Variants in DRG1 observed in about 807,000 individuals in gnomAD.
DRG1 encodes the protein developmentally regulated GTP binding protein 1, also known as developmentally-regulated GTP-binding protein 1.
A neutral mutation model predicts 38.8 loss-of-function variants in DRG1; 19 were observed. The ratio of observed to expected loss-of-function variants is 0.49; its 90% CI spans 0.34 to 0.72. The LOEUF is 0.72. Ranked by LOEUF, DRG1 falls within the 30% of genes least tolerant of loss-of-function variation. DRG1 has a pLI of 0.01. For synonymous variants in DRG1, 167 were observed against 157.5 expected, an observed-to-expected ratio of 1.06 and a Z score of -0.45; for missense variants, 299 against 444.8, an observed-to-expected ratio of 0.67 and a Z score of 2.95.
At chr22:31,412,610 A>G (rs967004618) in intron 4 of DRG1, among the ~76,000 whole-genome samples, 1 of 151,688 alleles carries the variant, frequency 6.6e-6, no homozygotes, top group African/African-American at 2.4e-5. Flanking sequence ...CGGCCTCCCA[A>G]AGTGCTGAGA....
At chr22:31,432,465 G>A (rs527577079) in intron 8 of DRG1, among the ~76,000 whole-genome samples, 135 of 149,350 alleles carry the variant, frequency 9.0e-4, no homozygotes, top group Middle Eastern at 3.4e-3. Flanking sequence ...AGACTCAGTC[G>A]CCCAGGCTGG....
rs766692132 is a variant in DRG1 at position 31,427,011 on chromosome 22, C to T, written c.882-49C>T. 29 of 1,610,216 alleles carry T rather than the reference C, an allele frequency of 1.8e-5. No homozygotes were observed. The Admixed American group carries it at 2.7e-4, about 15-fold the overall frequency. On this transcript the variant is annotated intron_variant, in intron 7 of 8. Coordinates refer to ENST00000331457, the MANE Select transcript of DRG1 (RefSeq NM_004147.4). Reference sequence around the variant, plus strand: ...ATGGAGGGTTGCTATACATTCAACACATGAGATAGTCTAAGAAGGCAGTAA... The same window carrying T: ...ATGGAGGGTTGCTATACATTCAACATATGAGATAGTCTAAGAAGGCAGTAA...
rs543147008 is a variant in DRG1 at position 31,430,376 on chromosome 22, T to C, written c.1004+3194T>C. 3.2e-4 allele frequency among the ~76,000 whole-genome samples: 49 copies of C among 152,242 alleles called. No homozygotes were observed. The South Asian group carries it at 9.5e-3, about 30-fold the overall frequency. The stretch of plus-strand genomic sequence containing the variant: ...TTTATACTGTTATCTCTGATTCTAG[T>C]TCAATACTACAGGGTTAATTTTTTT... On this transcript the variant is annotated intron_variant, in intron 8 of 8. Transcript: ENST00000331457.
In DRG1 at chr22:31,420,304, C is replaced by G; in HGVS notation, c.461C>G (p.Pro154Arg). The G allele has an allele frequency of 1.9e-6, 3 of 1,614,108 alleles. No homozygotes were observed. Among genetic ancestry groups the G allele is most frequent in the Non-Finnish European group, 2.5e-6 (3 of 1,180,024 alleles). The change falls in exon 5 of 9, where the codon CCT becomes CGT. Residue 154 changes from proline to arginine, a missense_variant. This residue lies in a region of DRG1 where 198 missense variants were observed against 268.1 expected (regional missense o/e 0.74). Coordinates refer to ENST00000331457, the MANE Select transcript of DRG1 (RefSeq NM_004147.4). ...LILIVLDVLK[P>R]LGHKKIIENE... The stretch of plus-strand genomic sequence containing the variant: ...TTGATTGTTCTGGATGTCCTGAAAC[C>G]TTTGGGACATAAGAAGATAATTGAA...
Position 31,399,634 on chromosome 22 carries a change from C to T in DRG1, c.-50C>T, listed in dbSNP as rs199760860. The T allele has an allele frequency of 5.3e-5, 86 of 1,613,646 alleles. No individual in the cohort carries two copies. Among genetic ancestry groups the T allele is most frequent in the Non-Finnish European group, 6.4e-5 (76 of 1,179,572 alleles). On this transcript the variant is annotated 5_prime_UTR_variant, in exon 1 of 9. Coordinates refer to ENST00000331457, the MANE Select transcript of DRG1 (RefSeq NM_004147.4). ...CGCCTGGTGGCGGTGGCAGTTTGCCCGCGGGTGTGTGAAGGGAGACAGTGT... is the reference window on the plus strand; with the variant it reads ...CGCCTGGTGGCGGTGGCAGTTTGCCTGCGGGTGTGTGAAGGGAGACAGTGT...
At chr22:31,426,429 G>A in intron 6 of DRG1, 186 bp from the exon 7 acceptor site, 2 of 541,646 alleles carry the variant, frequency 3.7e-6, no homozygotes, top group Non-Finnish European at 6.4e-6. Flanking sequence ...ACTAGGGCCT[G>A]ACTTCTGTTA....
intron 3 of DRG1, among the ~76,000 whole-genome samples, chr22:31,406,254 C>T (rs2049989787): frequency 6.6e-6 from 1 of 152,102 alleles, no homozygotes; most frequent in Non-Finnish European, 1.5e-5. Context: ...CCTGCCTCGA[C>T]CTCCCAAAAT....
intron 3 of DRG1, among the ~76,000 whole-genome samples, chr22:31,407,016 A>G (rs917884544): frequency 4.6e-5 from 7 of 152,148 alleles, no homozygotes; most frequent in East Asian, 3.9e-4. Flanking sequence ...ATGTTCCTCA[A>G]TTTGGGTTTG....
rs10570678 is a variant in DRG1, at chr22:31,431,019, T to TCCCCC, written c.1005-2843_1005-2839dup. Among the ~76,000 whole-genome samples the TCCCCC allele has an allele frequency of 1.6e-4, 13 of 81,016 alleles. 1 individual carries two copies. The highest frequency in any genetic ancestry group is 4.5e-4 in the African/African-American group (9 of 20,072). 53.1% of individuals were successfully genotyped at this position (81,016 alleles called of 152,430 possible). Reference sequence around the variant, plus strand: ...AGACACTAGCCACTGCACCCGGCCTTCCCCCCCCCCCCCCGCTTTTTTTTT... The same window carrying TCCCCC: ...AGACACTAGCCACTGCACCCGGCCTTCCCCCCCCCCCCCCCCCCCGCTTTTTTTTT... On this transcript the variant is annotated intron_variant, in intron 8 of 8. Transcript: ENST00000331457.
At chr22:31,407,957 C>T (rs948114213) in intron 3 of DRG1, among the ~76,000 whole-genome samples, 10 of 149,040 alleles carry the variant, frequency 6.7e-5, no homozygotes, top group Non-Finnish European at 8.9e-5. Flanking sequence ...CCTGTCTCTA[C>T]TAAAAATACA....
At chr22:31,403,301 A>C in intron 3 of DRG1, 97 bp downstream of exon 3, 2 of 1,312,154 alleles carry the variant, frequency 1.5e-6, no homozygotes, top group Non-Finnish European at 2.1e-6. Flanking sequence ...CTGATCTTTG[A>C]TCTACCAGGC....
At chr22:31,407,710 TTGAA>T (rs1231036053) in intron 3 of DRG1, among the ~76,000 whole-genome samples, 1 of 151,280 alleles carries the variant, frequency 6.6e-6, no homozygotes, top group Non-Finnish European at 1.5e-5. Context: ...GAGTACGTTC[TTGAA>T]TGGAGAAGTT....
In DRG1 at chr22:31,433,975, C is replaced by CT. The variant is rs762504946; in HGVS notation, c.*7dup. On this transcript the variant is annotated 3_prime_UTR_variant, in exon 9 of 9. Coordinates refer to ENST00000331457, the MANE Select transcript of DRG1 (RefSeq NM_004147.4). ...CATTCAAATTGTGAAGAAGTGAAAC[C>CT]TTTCCCTTTTCCCATCTGCCGGACG... 8 of 1,613,076 alleles carry CT rather than the reference C, an allele frequency of 5.0e-6. No individual in the cohort carries two copies. The highest frequency in any genetic ancestry group is 6.8e-6 in the Non-Finnish European group (8 of 1,179,152).
chr22:31,400,136 G>A (rs1467987646), intron 1 of DRG1, among the ~76,000 whole-genome samples: 2 of 152,004 alleles, frequency 1.3e-5, no homozygotes, highest in African/African-American at 4.8e-5. Context: ...ATCCTTCGCT[G>A]CGTCCCCCTT....
intron 6 of DRG1, 68 bp downstream of exon 6, chr22:31,423,478 C>A: frequency 2.6e-5 from 34 of 1,286,712 alleles, no homozygotes; most frequent in Non-Finnish European, 3.5e-5. Context: ...AGTATTGGAT[C>A]TTGAATCTGG....
At chr22:31,407,919 G>A (rs1253184181) in intron 3 of DRG1, among the ~76,000 whole-genome samples, 2 of 150,186 alleles carry the variant, frequency 1.3e-5, no homozygotes, top group Non-Finnish European at 3.0e-5. Flanking sequence ...TCAGGAGATC[G>A]AGACCAGCTT....
intron 3 of DRG1, 40 bp from the exon 4 acceptor site, chr22:31,410,972 T>A (rs572535013): frequency 6.2e-7 from 1 of 1,603,884 alleles, no homozygotes; most frequent in African/African-American, 1.3e-5. Flanking sequence ...TTATAACCAG[T>A]TTTTTCTTTC....
chr22:31,405,677 GTGT>G (rs754261616), intron 3 of DRG1, among the ~76,000 whole-genome samples: 5 of 146,406 alleles, frequency 3.4e-5, no homozygotes, highest in East Asian at 2.1e-4. Flanking sequence ...ATGTGTGTGT[GTGT>G]GGGGGGGTTT....
chr22:31,419,597 AAGG>A (rs2050064671), intron 4 of DRG1, among the ~76,000 whole-genome samples: 1 of 152,168 alleles, frequency 6.6e-6, no homozygotes, highest in Non-Finnish European at 1.5e-5. Context: ...GGAAGATTGA[AAGG>A]AGGCACAAAG....
Sources: gnomAD v4.1 joint callset for allele counts (sites outside exome capture counted in the v4.1 genomes callset) on GRCh38, gnomAD v4.1.1 for gene constraint, gnomAD v4.1.1 regional missense constraint, MANE v1.5 for transcripts, NCBI Gene and HGNC (gene_info 2026-07-23, HGNC 2026-07-21) for gene names.